Variants in AZIN1 observed in about 807,000 individuals in gnomAD.
The protein encoded by AZIN1 is antizyme inhibitor 1.
A neutral mutation model predicts 47.4 loss-of-function variants in AZIN1; 12 were observed. The ratio of observed to expected loss-of-function variants is 0.25; its 90% confidence interval spans 0.16 to 0.41. AZIN1 has a LOEUF of 0.41. AZIN1 is among the 10% of genes least tolerant of loss of function. The probability of loss-of-function intolerance (pLI) is 1.00; values close to 1 mark genes in which losing one functional copy is unlikely to be tolerated. For synonymous variants in AZIN1, 155 were observed against 176.3 expected (o/e 0.88, Z 0.96); for missense variants, 410 against 532.4 (o/e 0.77, Z 2.26).
At chr8:102,842,970 A>G (rs1202996768) in intron 3 of AZIN1, among the ~76,000 whole-genome samples, 1 of 151,800 alleles carries the variant, frequency 6.6e-6, no homozygotes. Context: ...TAATCCCAGC[A>G]CTTCAGGAGG....
At chr8:102,840,036 T>G (rs981025703) in intron 3 of AZIN1, among the ~76,000 whole-genome samples, 1 of 152,242 alleles carries the variant, frequency 6.6e-6, no homozygotes, top group Non-Finnish European at 1.5e-5. Flanking sequence ...ATTTGATTAC[T>G]TTTGCTGTGC....
upstream of AZIN1, chr8:102,864,187 A>G (rs999886141): frequency 1.1e-5 from 2 of 184,604 alleles, no homozygotes; most frequent in African/African-American, 4.8e-5. Flanking sequence ...CAGCGACGCC[A>G]GTATTTATAT....
At chr8:102,831,641 CAA>C (rs35860063) in intron 9 of AZIN1, among the ~76,000 whole-genome samples, 22,962 of 83,610 alleles carry the variant, frequency 0.27, 2,175 homozygotes, top group East Asian at 0.43. Context: ...AAAACAGTCT[CAA>C]AAAAAAAAAA....
At chr8:102,840,622 T>C (rs1299118621) in intron 3 of AZIN1, among the ~76,000 whole-genome samples, 1 of 152,214 alleles carries the variant, frequency 6.6e-6, no homozygotes, top group Non-Finnish European at 1.5e-5. Flanking sequence ...ATAAGAATAA[T>C]CTTCCTTAAA....
chr8:102,862,943 G>C (rs995578973), intron 1 of AZIN1, among the ~76,000 whole-genome samples: 46 of 152,218 alleles, frequency 3.0e-4, no homozygotes, highest in African/African-American at 1.1e-3. Context: ...CAAGACAGTA[G>C]TTGATAAGCC....
chr8:102,839,770 G>A lies in AZIN1; in HGVS notation c.156C>T (p.His52=). The change falls in exon 4 of 12, where the codon CAC becomes CAT. Residue 52 remains histidine (H), a synonymous_variant. Transcript: ENST00000337198. ...GAGCCACTACATTCTGCCATTGACT[G>A]TGTTTCTTCACAATCTTTCCAAGAT... is the stretch of plus-strand genomic sequence containing the variant. The part of the protein sequence containing the change: ...VGDLGKIVKK[H]SQWQNVVAQI... 6.2e-7 allele frequency: 1 copy of A among 1,604,388 alleles called. No homozygotes were observed. The highest frequency in any genetic ancestry group is 8.5e-7 in the Non-Finnish European group (1 of 1,174,788).
At chr8:102,838,652 C>T (rs944421915) in intron 5 of AZIN1, 92 bp downstream of exon 5, 3 of 1,029,892 alleles carry the variant, frequency 2.9e-6, no homozygotes, top group Admixed American at 2.7e-5. Context: ...CATCATTGCC[C>T]TACCACAAAT....
intron 9 of AZIN1, among the ~76,000 whole-genome samples, chr8:102,830,467 CA>C (rs202112686): frequency 6.8e-6 from 1 of 147,958 alleles, no homozygotes; most frequent in Non-Finnish European, 1.5e-5. Flanking sequence ...GTTGCTGTTT[CA>C]AAAAAAGAGG....
intron 2 of AZIN1, among the ~76,000 whole-genome samples, chr8:102,853,727 G>C (rs1419801556): frequency 2.0e-5 from 3 of 152,116 alleles, no homozygotes; most frequent in African/African-American, 4.8e-5. Flanking sequence ...GGGATATACA[G>C]ACTGTGTATT....
chr8:102,858,345 T>A (rs747488832), intron 1 of AZIN1, among the ~76,000 whole-genome samples, 195 bp from the exon 2 acceptor site: 1 of 152,210 alleles, frequency 6.6e-6, no homozygotes, highest in Non-Finnish European at 1.5e-5. Flanking sequence ...CAAGCTGCTA[T>A]AAAAAATTCA....
chr8:102,839,836 TA>T lies in AZIN1; in HGVS notation c.103-14del, dbSNP rs3217408. On this transcript the variant is annotated splice_polypyrimidine_tract_variant and intron_variant, in intron 3 of 11. Coordinates refer to ENST00000337198, the MANE Select transcript of AZIN1 (RefSeq NM_148174.4). ...CATTTTTCCCTGTCTATTATGGTTA[TA>T]AAAAAAAAGACAAATATGAACAAAA... The T allele has an allele frequency of 0.25, 387,165 of 1,524,500 alleles. 51,045 individuals carry two copies. The highest frequency in any genetic ancestry group is 0.37 in the South Asian group (29,651 of 79,150). The allele number at this position is 1,524,500 out of a possible 1,614,324, so 94.4% of individuals were successfully genotyped here.
chr8:102,858,263 A>C (rs534265231), intron 1 of AZIN1, 113 bp from the exon 2 acceptor site: 6 of 394,012 alleles, frequency 1.5e-5, no homozygotes, highest in Non-Finnish European at 2.7e-5. Context: ...TGTTTCATTA[A>C]AGTCACATTA....
chr8:102,845,912 T>C (rs1211609929), intron 2 of AZIN1, among the ~76,000 whole-genome samples: 3 of 152,220 alleles, frequency 2.0e-5, no homozygotes, highest in Non-Finnish European at 4.4e-5. Context: ...CCATTTTTTT[T>C]CTTAACATTA....
At chr8:102,853,878 G>C (rs574688851) in intron 2 of AZIN1, among the ~76,000 whole-genome samples, 1 of 150,224 alleles carries the variant, frequency 6.7e-6, no homozygotes, top group Non-Finnish European at 1.5e-5. Context: ...GGGGTGGGGG[G>C]AGAAAAGAAA....
chr8:102,858,364 G>T (rs1309716943), intron 1 of AZIN1, among the ~76,000 whole-genome samples: 2 of 152,142 alleles, frequency 1.3e-5, no homozygotes, highest in South Asian at 4.1e-4. Flanking sequence ...CACAGAACTT[G>T]ATGTCATAGC....
chr8:102,843,208 A>G (rs76248591), intron 3 of AZIN1, among the ~76,000 whole-genome samples: 1 of 143,906 alleles, frequency 6.9e-6, no homozygotes, highest in Non-Finnish European at 1.5e-5. Flanking sequence ...TCGTCTCCAA[A>G]AAAAAAAAAA....
At chr8:102,835,628 C>T (rs933808924) in intron 6 of AZIN1, among the ~76,000 whole-genome samples, 7 of 152,070 alleles carry the variant, frequency 4.6e-5, no homozygotes, top group Non-Finnish European at 8.8e-5. Flanking sequence ...GCATGGGAGA[C>T]AGAATGAGAT....
chr8:102,861,710 G>A (rs1813665131), intron 1 of AZIN1, among the ~76,000 whole-genome samples: 1 of 151,932 alleles, frequency 6.6e-6, no homozygotes, highest in Admixed American at 6.6e-5. Context: ...CATGTGGAAA[G>A]TCTGGAATAG....
Position 102,828,218 on chromosome 8 carries a change from C to A in AZIN1, c.*349G>T. 6.1e-6 allele frequency: 1 copy of A among 164,312 alleles called. No individual in the cohort carries two copies. Among genetic ancestry groups the A allele is most frequent in the Non-Finnish European group, 1.3e-5 (1 of 75,880 alleles). 10.2% of individuals were successfully genotyped at this position (164,312 alleles called of 1,614,324 possible). A position where few individuals can be genotyped will look rare whatever the true frequency, so the allele number is the denominator to read the frequency against. The stretch of plus-strand genomic sequence containing the variant: ...CTTTACAAGACTTTAAACACAAATC[C>A]TTAGTATAAAAACTGTGTTCTTGTA... On this transcript the variant is annotated 3_prime_UTR_variant, in exon 12 of 12. Coordinates refer to ENST00000337198, the MANE Select transcript of AZIN1 (RefSeq NM_148174.4).
Sources: gnomAD v4.1 joint callset for allele counts (sites outside exome capture counted in the v4.1 genomes callset) on GRCh38, gnomAD v4.1.1 for gene constraint, MANE v1.5 for transcripts, NCBI Gene and HGNC (gene_info 2026-07-23, HGNC 2026-07-21) for gene names.